Variants in XDH observed in about 807,000 individuals in gnomAD.
XDH encodes xanthine dehydrogenase/oxidase.
Under a neutral mutation model 156.1 loss-of-function variants are expected in XDH, and 138 were observed. That is an observed-to-expected ratio of 0.88 (90% CI 0.77 to 1.02). The LOEUF is 1.02. XDH is among the 50% of genes least tolerant of loss of function. The probability of loss-of-function intolerance (pLI) is 0.00; values close to 1 mark genes in which losing one functional copy is unlikely to be tolerated. For missense variants in XDH, 1,849 were observed against 1,684.9 expected, an observed-to-expected ratio of 1.10 and a Z score of -1.71; for synonymous variants, 669 against 625.7, an observed-to-expected ratio of 1.07 and a Z score of -1.03.
intron 17 of XDH, among the ~76,000 whole-genome samples, chr2:31,371,750 A>T (rs1686078002): frequency 6.6e-6 from 1 of 152,026 alleles, no homozygotes; most frequent in South Asian, 2.1e-4. Flanking sequence ...CCATTCCTGG[A>T]GGGATCCCGT....
At chr2:31,408,480 T>C (rs1270844476) in intron 1 of XDH, among the ~76,000 whole-genome samples, 1 of 152,246 alleles carries the variant, frequency 6.6e-6, no homozygotes, top group Non-Finnish European at 1.5e-5. Flanking sequence ...GTTAAGCAGA[T>C]TGCTCTGGTA....
At chr2:31,357,539 C>T (rs972767634) in intron 24 of XDH, among the ~76,000 whole-genome samples, 1 of 151,816 alleles carries the variant, frequency 6.6e-6, no homozygotes. Flanking sequence ...TGATGTTTAC[C>T]AGAGGCTGGG....
Position 31,334,687 on chromosome 2 carries a change from CAGA to C in XDH, c.*1268_*1270del, listed in dbSNP as rs1684929230. On this transcript the variant is annotated 3_prime_UTR_variant, in exon 36 of 36. Coordinates refer to ENST00000379416, the MANE Select transcript of XDH (RefSeq NM_000379.4). ...GTCATATATTTATAGGCTTTTAAAGCAGAAGACGTGAGACAACCCTTTACTGCA... is the reference window on the plus strand; with the variant it reads ...GTCATATATTTATAGGCTTTTAAAGCAGACGTGAGACAACCCTTTACTGCA... 1 of 151,958 alleles carries C rather than the reference CAGA, an allele frequency of 6.6e-6. No individual in the cohort carries two copies. Among genetic ancestry groups the C allele is most frequent in the Admixed American group, 6.6e-5 (1 of 15,262 alleles). 9.4% of individuals were successfully genotyped at this position (151,958 alleles called of 1,614,324 possible). A position where few individuals can be genotyped will look rare whatever the true frequency, so the allele number is the denominator to read the frequency against.
chr2:31,411,283 GA>G (rs376149812), intron 1 of XDH, among the ~76,000 whole-genome samples: 5,088 of 101,984 alleles, frequency 0.05, 109 homozygotes, highest in South Asian at 0.074. Flanking sequence ...CCTGTCTCAG[GA>G]AAAAAAAAAA....
At chr2:31,402,418 T>C (rs1195313293) in intron 3 of XDH, among the ~76,000 whole-genome samples, 1 of 152,130 alleles carries the variant, frequency 6.6e-6, no homozygotes, top group African/African-American at 2.4e-5. Context: ...ACTGTAAAAA[T>C]TGTATCATGC....
chr2:31,353,285 G>A (rs1263675879), intron 24 of XDH, among the ~76,000 whole-genome samples: 1 of 152,088 alleles, frequency 6.6e-6, no homozygotes. Context: ...CAATGTGACT[G>A]GAGGAGCATC....
chr2:31,386,407 C>A lies in XDH; in HGVS notation c.793+7G>T, dbSNP rs374906672. 2 of 1,612,220 alleles carry A rather than the reference C, an allele frequency of 1.2e-6. No individual in the cohort carries two copies. Among genetic ancestry groups the A allele is most frequent in the Non-Finnish European group, 1.7e-6 (2 of 1,180,000 alleles). On this transcript the variant is annotated splice_region_variant and intron_variant, in intron 9 of 35. Transcript: ENST00000379416. ...GGCAGCCCCAGGGCAGCCTCCCTGG[C>A]CCTTACCAATCTCCGTGTTCCCCAC...
chr2:31,381,689 G>T lies in XDH; in HGVS notation c.1076C>A (p.Ser359Tyr). The T allele has an allele frequency of 6.2e-7, 1 of 1,614,056 alleles. No homozygotes were observed. Among genetic ancestry groups the T allele is most frequent in the Non-Finnish European group, 8.5e-7 (1 of 1,180,008 alleles). Residue 359 changes from serine (S) to tyrosine (Y), a missense_variant, in exon 12 of 36, where the codon TCC (serine) becomes TAC (tyrosine). Physicochemically the swap from Ser to Tyr is moderately radical, Grantham distance 144 (BLOSUM62 -2). Coordinates refer to ENST00000379416, the MANE Select transcript of XDH (RefSeq NM_000379.4). ...GGNIITASPI[S>Y]DLNPVFMASG... is the part of the protein sequence containing the mutation. ...GGCCATGAACACGGGGTTGAGGTCG[G>T]AGATGGGGCTGGCAGTGATGATGTT...
chr2:31,412,570 ATG>A (rs930493594), intron 1 of XDH, among the ~76,000 whole-genome samples: 17 of 152,298 alleles, frequency 1.1e-4, no homozygotes, highest in African/African-American at 3.8e-4. Flanking sequence ...AACATGGCAC[ATG>A]TGTACATATG....
At chr2:31,376,098 T>C (rs998756090) in intron 14 of XDH, among the ~76,000 whole-genome samples, 12 of 152,064 alleles carry the variant, frequency 7.9e-5, no homozygotes, top group African/African-American at 2.9e-4. Context: ...ACCATAGAAA[T>C]AGTAATAGTA....
At chr2:31,370,601 G>A in intron 17 of XDH, 123 bp from the exon 18 acceptor site, 1 of 1,293,910 alleles carries the variant, frequency 7.7e-7, no homozygotes. Context: ...TCGATTCTCT[G>A]CTTCTTTTCT....
Position 31,337,666 on chromosome 2 carries a change from G to C in XDH, c.3926C>G (p.Ala1309Gly). 1 of 1,614,180 alleles carries C rather than the reference G, an allele frequency of 6.2e-7. No homozygotes were observed. Among genetic ancestry groups the C allele is most frequent in the Non-Finnish European group, 8.5e-7 (1 of 1,180,044 alleles). The change falls in exon 35 of 36, where the codon GCC becomes GGC. Residue 1309 changes from alanine to glycine, a missense_variant. Ala to Gly is a moderately conservative substitution (Grantham distance 60). Transcript: ENST00000379416. ...CAGGGTGGTGAACTTGTCCACGCAG[G>C]CATTGCGGATCTTCTCCGGGGTGGC... ...SPATPEKIRN[A>G]CVDKFTTLCV...
chr2:31,394,780 C>A (rs1013701375), intron 6 of XDH, among the ~76,000 whole-genome samples: 1 of 152,040 alleles, frequency 6.6e-6, no homozygotes, highest in Non-Finnish European at 1.5e-5. Context: ...TTGTCATATC[C>A]TCAAGCTCAG....
chr2:31,394,902 C>T (rs574714348), intron 6 of XDH, among the ~76,000 whole-genome samples: 10 of 152,218 alleles, frequency 6.6e-5, no homozygotes, highest in African/African-American at 1.4e-4. Context: ...TTAGAATTTC[C>T]GTTCTCTGCT....
chr2:31,393,519 G>A (rs1461870102), intron 6 of XDH, among the ~76,000 whole-genome samples: 3 of 152,032 alleles, frequency 2.0e-5, no homozygotes. Flanking sequence ...ATTTAAAGTA[G>A]GTTTCTTGTA....
chr2:31,402,229 T>C (rs1186587772), intron 3 of XDH, among the ~76,000 whole-genome samples: 1 of 152,198 alleles, frequency 6.6e-6, no homozygotes, highest in Non-Finnish European at 1.5e-5. Flanking sequence ...TACTAGGGAC[T>C]TTCCAGTGGG....
intron 14 of XDH, 44 bp from the exon 15 acceptor site, chr2:31,375,598 C>G: frequency 3.7e-6 from 6 of 1,600,998 alleles, no homozygotes; most frequent in Non-Finnish European, 5.1e-6. Context: ...GCCCAGCCCT[C>G]CAGACCCCTT....
At chr2:31,404,283 C>T (rs1050894991) in intron 2 of XDH, among the ~76,000 whole-genome samples, 5 of 152,164 alleles carry the variant, frequency 3.3e-5, no homozygotes, top group African/African-American at 1.2e-4. Flanking sequence ...CTCAGCAGGT[C>T]AAACAACTTT....
At chr2:31,396,463 T>C (rs1572563155) in intron 6 of XDH, among the ~76,000 whole-genome samples, 1 of 152,232 alleles carries the variant, frequency 6.6e-6, no homozygotes, top group Non-Finnish European at 1.5e-5. Flanking sequence ...TCATAATTTA[T>C]AGTTCCCATT....
Sources: gnomAD v4.1 joint callset for allele counts (sites outside exome capture counted in the v4.1 genomes callset) on GRCh38, gnomAD v4.1.1 for gene constraint, MANE v1.5 for transcripts, NCBI Gene and HGNC (gene_info 2026-07-23, HGNC 2026-07-21) for gene names.